Variants in PARP8 observed in about 807,000 individuals in gnomAD.
The protein encoded by PARP8 is protein mono-ADP-ribosyltransferase PARP8.
PARP8 carries 51 observed loss-of-function variants against 124.1 expected under a neutral mutation model. The observed-to-expected ratio is 0.41, with a 90% CI of 0.33 to 0.52. The LOEUF is 0.52. Among genes scored for constraint, PARP8 ranks in the 20% least tolerant of loss-of-function variants. PARP8 has a pLI of 0.21. For synonymous variants in PARP8, 391 were observed against 361.5 expected, an observed-to-expected ratio of 1.08 and a Z score of -0.93; for missense variants, 860 against 1,018.9, an observed-to-expected ratio of 0.84 and a Z score of 2.12.
intron 7 of PARP8, among the ~76,000 whole-genome samples, chr5:50,768,950 C>T (rs1236709059): frequency 7.2e-6 from 1 of 138,038 alleles, no homozygotes; most frequent in African/African-American, 2.7e-5. Context: ...AAAAGTATAA[C>T]TATTTATAGA....
At chr5:50,814,593 G>A (rs183163) in intron 14 of PARP8, among the ~76,000 whole-genome samples, 2 of 151,962 alleles carry the variant, frequency 1.3e-5, no homozygotes, top group Non-Finnish European at 2.9e-5. Context: ...CCATGCATAT[G>A]GGCCAATTCT....
chr5:50,699,644 A>G (rs1753382759), intron 2 of PARP8, among the ~76,000 whole-genome samples: 1 of 152,212 alleles, frequency 6.6e-6, no homozygotes, highest in Non-Finnish European at 1.5e-5. Flanking sequence ...TTATCAATAT[A>G]TTGAAACACA....
intron 2 of PARP8, among the ~76,000 whole-genome samples, chr5:50,686,866 G>A (rs148546932): frequency 0.015 from 2,240 of 152,218 alleles, 50 homozygotes; most frequent in African/African-American, 0.046. Context: ...GGCTGCACAC[G>A]GCATGGAGAC....
At chr5:50,689,143 A>G (rs1426451322) in intron 2 of PARP8, among the ~76,000 whole-genome samples, 1 of 145,890 alleles carries the variant, frequency 6.9e-6, no homozygotes, top group African/African-American at 2.6e-5. Context: ...TCCTTAATCC[A>G]CCTGTTATTT....
Position 50,830,023 on chromosome 5 carries a change from T to C in PARP8, c.2233+62T>C, listed in dbSNP as rs900590624. The C allele has an allele frequency of 5.1e-6, 8 of 1,557,622 alleles. No individual in the cohort carries two copies. The African/African-American group carries it at 1.1e-4, about 21-fold the overall frequency. ...TAGGTTTTAATTTTCTTATTGTTTA[T>C]ACTCTATTCACAGCTTTCTATTGTG... On this transcript the variant is annotated intron_variant, in intron 22 of 25. Coordinates refer to ENST00000281631, the MANE Select transcript of PARP8 (RefSeq NM_024615.4).
chr5:50,714,257 T>C (rs1047027881), intron 2 of PARP8, among the ~76,000 whole-genome samples: 1 of 151,916 alleles, frequency 6.6e-6, no homozygotes, highest in Non-Finnish European at 1.5e-5. Flanking sequence ...CAACACCGAT[T>C]GCTGCTTGGC....
At chr5:50,833,229 A>G (rs1747184621) in intron 23 of PARP8, among the ~76,000 whole-genome samples, 1 of 152,190 alleles carries the variant, frequency 6.6e-6, no homozygotes, top group African/African-American at 2.4e-5. Flanking sequence ...GAAATGAGAC[A>G]TTTAATGCTG....
chr5:50,819,260 T>C (rs950659816), intron 15 of PARP8, among the ~76,000 whole-genome samples: 1 of 152,058 alleles, frequency 6.6e-6, no homozygotes, highest in Non-Finnish European at 1.5e-5. Context: ...TATTACATTA[T>C]AATTTACTTA....
In PARP8 at chr5:50,822,270, A is replaced by T. The variant is rs565636637; in HGVS notation, c.1795-65A>T. 26 of 1,062,596 alleles carry T rather than the reference A, an allele frequency of 2.4e-5. No homozygotes were observed. Among genetic ancestry groups the T allele is most frequent in the East Asian group, 2.1e-4 (9 of 42,152 alleles). The allele number at this position is 1,062,596 out of a possible 1,614,324, so 65.8% of individuals were successfully genotyped here. A position where few individuals can be genotyped will look rare whatever the true frequency, so the allele number is the denominator to read the frequency against. The stretch of plus-strand genomic sequence containing the variant: ...ATGGAAATAATATATTTCTCTAGTG[A>T]TATACAGACTTGCAAGAGCTTATAA... On this transcript the variant is annotated intron_variant, in intron 16 of 25. Coordinates refer to ENST00000281631, the MANE Select transcript of PARP8 (RefSeq NM_024615.4).
rs1395195397 is a variant in PARP8, at chr5:50,707,917, T to C, written c.146+39792T>C. ...CTGTTATATTATTGAGTATTTATCT[T>C]TCTTACATTTCCTTACCACACGATC... On this transcript the variant is annotated intron_variant, in intron 2 of 25. Coordinates refer to ENST00000281631, the MANE Select transcript of PARP8 (RefSeq NM_024615.4). 2.0e-5 allele frequency among the ~76,000 whole-genome samples: 3 copies of C among 152,134 alleles called. No individual in the cohort carries two copies. In the East Asian group the frequency reaches 5.8e-4, roughly 29 times the overall value.
chr5:50,746,333 T>A (rs1243695240), intron 2 of PARP8, among the ~76,000 whole-genome samples: 1 of 152,212 alleles, frequency 6.6e-6, no homozygotes, highest in Non-Finnish European at 1.5e-5. Context: ...TTTTGTGTGA[T>A]CAAATAGTTC....
chr5:50,701,723 C>A (rs1457743462), intron 2 of PARP8, among the ~76,000 whole-genome samples: 1 of 152,020 alleles, frequency 6.6e-6, no homozygotes, highest in Non-Finnish European at 1.5e-5. Context: ...TGCTTTTCTG[C>A]GTAGATATAG....
chr5:50,759,498 T>G, intron 3 of PARP8, 145 bp from the exon 4 acceptor site: 2 of 896,044 alleles, frequency 2.2e-6, no homozygotes, highest in South Asian at 5.9e-5. Flanking sequence ...TACTTTATCA[T>G]ATTTTTTGAG....
At chr5:50,840,667 G>A (rs1280579370) in intron 25 of PARP8, among the ~76,000 whole-genome samples, 1 of 151,742 alleles carries the variant, frequency 6.6e-6, no homozygotes, top group African/African-American at 2.4e-5. Flanking sequence ...TGCATATCAT[G>A]AGAGAGAGAA....
intron 2 of PARP8, among the ~76,000 whole-genome samples, chr5:50,717,456 C>T (rs1240755312): frequency 1.3e-5 from 2 of 151,910 alleles, no homozygotes; most frequent in African/African-American, 4.8e-5. Context: ...GGGGAATCAG[C>T]AGGTCAAATC....
rs1742660789 is a variant in PARP8, at chr5:50,797,241, C to T, written c.1575+8C>T. ...AATGGCCCTATGCTTAGGGTAAGTT[C>T]TTGCTGATAGAATGTCCGTGTTGGT... On this transcript the variant is annotated splice_region_variant and intron_variant, in intron 14 of 25. Coordinates refer to ENST00000281631, the MANE Select transcript of PARP8 (RefSeq NM_024615.4). 4 of 1,572,930 alleles carry T rather than the reference C, an allele frequency of 2.5e-6. No homozygotes were observed. The highest frequency in any genetic ancestry group is 2.3e-5 in the East Asian group (1 of 44,428).
intron 2 of PARP8, among the ~76,000 whole-genome samples, chr5:50,714,462 T>A (rs1252127562): frequency 6.6e-6 from 1 of 152,128 alleles, no homozygotes; most frequent in Non-Finnish European, 1.5e-5. Flanking sequence ...ACATGCAGGT[T>A]TGTTACATAG....
intron 2 of PARP8, among the ~76,000 whole-genome samples, chr5:50,726,125 A>T (rs533480346): frequency 1.8e-4 from 27 of 151,392 alleles, no homozygotes; most frequent in Non-Finnish European, 3.5e-4. Context: ...TTTTTTTTTA[A>T]ATTTTTTATT....
chr5:50,796,076 G>T (rs1300694372), intron 12 of PARP8, among the ~76,000 whole-genome samples: 1 of 152,174 alleles, frequency 6.6e-6, no homozygotes, highest in African/African-American at 2.4e-5. Flanking sequence ...TCGCTAGCAT[G>T]ATTGGCATGA....
Sources: allele counts gnomAD v4.1 joint callset (sites outside exome capture counted in the v4.1 genomes callset), GRCh38; gene constraint gnomAD v4.1.1; transcripts MANE v1.5; gene names NCBI Gene and HGNC (gene_info 2026-07-23, HGNC 2026-07-21).